The following PRIMPOL variants were observed in gnomAD, a reference collection of about 807,000 sequenced individuals.
PRIMPOL encodes DNA-directed primase/polymerase protein.
PRIMPOL carries 54 observed loss-of-function variants against 63.6 expected under a neutral mutation model. That is an observed-to-expected ratio of 0.85 (90% confidence interval 0.68 to 1.07). The LOEUF (loss-of-function observed/expected upper bound fraction) is 1.07. Among genes scored for constraint, PRIMPOL ranks in the 50% least tolerant of loss-of-function variants. The pLI is 0.00. For synonymous variants in PRIMPOL, 197 were observed against 220.2 expected, an observed-to-expected ratio of 0.89 and a Z score of 0.93; for missense variants, 610 against 648.3, an observed-to-expected ratio of 0.94 and a Z score of 0.64.
At chr4:184,691,277 TG>T in intron 11 of PRIMPOL, 1 of 466,208 alleles carries the variant, frequency 2.1e-6, no homozygotes, top group African/African-American at 2.0e-5. Context: ...TACATCTTCC[TG>T]GGGGAACTTT....
intron 6 of PRIMPOL, among the ~76,000 whole-genome samples, chr4:184,668,324 C>T (rs73011137): frequency 0.022 from 3,308 of 152,362 alleles, 125 homozygotes; most frequent in African/African-American, 0.075. Flanking sequence ...TGGTATCATC[C>T]TTGCCCTCTC....
intron 1 of PRIMPOL, 78 bp downstream of exon 1, chr4:184,649,986 C>T (rs1743700702): frequency 6.6e-6 from 1 of 152,270 alleles, no homozygotes; most frequent in South Asian, 2.1e-4. Flanking sequence ...AATCAAAAGC[C>T]TTAACCTCCT....
At chr4:184,652,594 T>C (rs1272368508) in intron 2 of PRIMPOL, among the ~76,000 whole-genome samples, 2 of 152,186 alleles carry the variant, frequency 1.3e-5, no homozygotes, top group Admixed American at 6.5e-5. Flanking sequence ...AGTGAACTTA[T>C]ATAATAATAT....
Position 184,661,806 on chromosome 4 carries a change from C to T in PRIMPOL, c.311C>T (p.Pro104Leu). 1 of 1,612,396 alleles carries T rather than the reference C, an allele frequency of 6.2e-7. No individual in the cohort carries two copies. ...KNLLHCYEVI[P>L]ENAVCKLYFD... ...CTCTTACACTGCTATGAAGTTATTC[C>T]TGAAAATGCTGTGTGCAAGCTTTAT... The change falls in exon 5 of 14, where the codon CCT (proline) becomes CTT (leucine). Residue 104 changes from proline (P) to leucine (L), a missense_variant. Pro to Leu is a moderately conservative substitution (Grantham distance 98). Around this residue, in one of 3 missense-constraint regions of PRIMPOL, gnomAD observed 159 missense variants for 168.9 expected, o/e 0.94. Transcript: ENST00000314970.
In PRIMPOL at chr4:184,694,704, G is replaced by C; in HGVS notation, c.1608G>C (p.Glu536Asp). Residue 536 changes from glutamate to aspartate, a missense_variant, in exon 14 of 14, where the codon GAG (glutamate) becomes GAC (aspartate). Coordinates refer to ENST00000314970, the MANE Select transcript of PRIMPOL (RefSeq NM_152683.4). ...ATGCTGAATTAGCTGAAGCTGCAGA[G>C]AACAGTCTTCTCAGTTATAACAGTG... ...TEDAELAEAA[E>D]NSLLSYNSEV... 1.2e-6 allele frequency: 2 copies of C among 1,613,752 alleles called. No homozygotes were observed. Among genetic ancestry groups the C allele is most frequent in the East Asian group, 2.2e-5 (1 of 44,884 alleles).
intron 5 of PRIMPOL, among the ~76,000 whole-genome samples, chr4:184,665,608 A>G (rs1200111891): frequency 6.8e-6 from 1 of 147,344 alleles, no homozygotes; most frequent in Non-Finnish European, 1.5e-5. Context: ...GGTTCAGGTG[A>G]TCTTCCTGCC....
At chr4:184,682,842 G>T (rs950186919) in intron 9 of PRIMPOL, among the ~76,000 whole-genome samples, 1 of 151,872 alleles carries the variant, frequency 6.6e-6, no homozygotes, top group African/African-American at 2.4e-5. Flanking sequence ...TTGAGCCCAG[G>T]AGTTAGAGAC....
At chr4:184,684,460 A>G (rs1403307778) in intron 9 of PRIMPOL, among the ~76,000 whole-genome samples, 1 of 151,174 alleles carries the variant, frequency 6.6e-6, no homozygotes, top group African/African-American at 2.4e-5. Flanking sequence ...TGTCTCAAGA[A>G]AAAAAAAAAA....
At chr4:184,670,448 T>C (rs1400245476) in intron 6 of PRIMPOL, among the ~76,000 whole-genome samples, 1 of 152,226 alleles carries the variant, frequency 6.6e-6, no homozygotes, top group Non-Finnish European at 1.5e-5. Flanking sequence ...ATCCATCCTG[T>C]ACCAGCATAT....
Position 184,678,309 on chromosome 4 carries a change from G to A in PRIMPOL, c.922G>A (p.Glu308Lys), listed in dbSNP as rs996288768. Residue 308 changes from glutamate (E) to lysine (K), a missense_variant, in exon 8 of 14, where the codon GAA becomes AAA. Physicochemically the swap from Glu to Lys is moderately conservative, Grantham distance 56 (BLOSUM62 1). This residue lies in a region of PRIMPOL where 444 missense variants were observed against 456.4 expected (regional missense o/e 0.97). Transcript: ENST00000314970. Reference sequence around the variant, plus strand: ...AAAGCGTGTGGCTTTGGAGGTTACTGAAGATAACAAATTTTTTCCTATACA... The same window carrying A: ...AAAGCGTGTGGCTTTGGAGGTTACTAAAGATAACAAATTTTTTCCTATACA... ...IGKRVALEVT[E>K]DNKFFPIQSK... 3.1e-6 allele frequency: 5 copies of A among 1,607,274 alleles called. No individual in the cohort carries two copies. The highest frequency in any genetic ancestry group is 3.4e-5 in the Admixed American group (2 of 58,806).
At chr4:184,677,093 CTG>C (rs1452454735) in intron 7 of PRIMPOL, among the ~76,000 whole-genome samples, 8 of 133,492 alleles carry the variant, frequency 6.0e-5, no homozygotes, top group African/African-American at 2.3e-4. Flanking sequence ...ACCTCTCTCT[CTG>C]TCTCTTTCTC....
intron 2 of PRIMPOL, among the ~76,000 whole-genome samples, chr4:184,656,593 G>A (rs1448733793): frequency 6.6e-6 from 1 of 152,034 alleles, no homozygotes; most frequent in African/African-American, 2.4e-5. Flanking sequence ...AGAAACAGAG[G>A]AAAAGGGAAC....
intron 13 of PRIMPOL, chr4:184,694,306 T>C (rs1235163372): frequency 2.1e-5 from 28 of 1,324,922 alleles, no homozygotes; most frequent in African/African-American, 4.4e-5. Flanking sequence ...AATTTCAAAT[T>C]TGGAGTTTCA....
At chr4:184,692,050 A>G (rs1758709909) in intron 13 of PRIMPOL, among the ~76,000 whole-genome samples, 1 of 152,220 alleles carries the variant, frequency 6.6e-6, no homozygotes, top group Non-Finnish European at 1.5e-5. Context: ...TTCTAGAAGT[A>G]GAATTGTGTC....
intron 5 of PRIMPOL, among the ~76,000 whole-genome samples, chr4:184,662,605 T>C (rs760605978): frequency 2.3e-4 from 35 of 152,320 alleles, no homozygotes; most frequent in Admixed American, 1.1e-3. Context: ...GAAGTTGTGT[T>C]AAAATTGTAT....
Position 184,656,578 on chromosome 4 carries a change from T to C in PRIMPOL, c.-59-504T>C, listed in dbSNP as rs549247880. 2.3e-3 allele frequency among the ~76,000 whole-genome samples: 356 copies of C among 152,186 alleles called. 3 individuals carry two copies. The highest frequency in any genetic ancestry group is 8.3e-3 in the African/African-American group (346 of 41,532). On this transcript the variant is annotated intron_variant, in intron 2 of 13. Coordinates refer to ENST00000314970, the MANE Select transcript of PRIMPOL (RefSeq NM_152683.4). Reference sequence around the variant, plus strand: ...TTGTGTTGAGAGAGAAGAGGAGACATGGACAGAAACAGAGGAAAAGGGAAC... The same window carrying C: ...TTGTGTTGAGAGAGAAGAGGAGACACGGACAGAAACAGAGGAAAAGGGAAC...
intron 2 of PRIMPOL, among the ~76,000 whole-genome samples, chr4:184,652,308 T>C (rs1430651330): frequency 6.6e-6 from 1 of 152,100 alleles, no homozygotes; most frequent in Admixed American, 6.6e-5. Flanking sequence ...TCATTATCCC[T>C]GTGAAAAGTG....
At chr4:184,671,610 T>C (rs906315974) in intron 6 of PRIMPOL, among the ~76,000 whole-genome samples, 1 of 152,178 alleles carries the variant, frequency 6.6e-6, no homozygotes, top group Non-Finnish European at 1.5e-5. Flanking sequence ...TCTTCTCAAA[T>C]GAACTTTCCC....
intron 7 of PRIMPOL, among the ~76,000 whole-genome samples, chr4:184,677,585 C>T (rs1754453908): frequency 1.3e-5 from 2 of 152,158 alleles, no homozygotes; most frequent in Non-Finnish European, 2.9e-5. Flanking sequence ...AACAATTCCT[C>T]TAAGTTTGTT....
Sources: allele counts gnomAD v4.1 joint callset (sites outside exome capture counted in the v4.1 genomes callset), GRCh38; gene constraint gnomAD v4.1.1; regional missense constraint gnomAD v4.1.1; transcripts MANE v1.5; gene names NCBI Gene and HGNC (gene_info 2026-07-23, HGNC 2026-07-21).